TSHZ2: variants seen among roughly 807,000 people sequenced by gnomAD.
TSHZ2 encodes the protein teashirt homolog 2.
A neutral mutation model predicts 74.4 loss-of-function variants in TSHZ2; 21 were observed. The ratio of observed to expected loss-of-function variants is 0.28; its 90% CI spans 0.20 to 0.41. The LOEUF (loss-of-function observed/expected upper bound fraction) is 0.41. TSHZ2 is among the 10% of genes least tolerant of loss of function. The pLI is 1.00. For missense variants in TSHZ2, 1,244 were observed against 1,293.5 expected, an observed-to-expected ratio of 0.96 and a Z score of 0.59; for synonymous variants, 540 against 515.3, an observed-to-expected ratio of 1.05 and a Z score of -0.65.
chr20:53,455,830 G>A (rs1325065041), intron 2 of TSHZ2, among the ~76,000 whole-genome samples: 4 of 151,202 alleles, frequency 2.6e-5, no homozygotes, highest in Non-Finnish European at 4.4e-5. Flanking sequence ...TTGTTCTTGC[G>A]ATAGTTTACT....
intron 2 of TSHZ2, among the ~76,000 whole-genome samples, chr20:53,380,139 A>AGT (rs3222593): frequency 0.5 from 74,834 of 149,404 alleles, 21,271 homozygotes; most frequent in Non-Finnish European, 0.66. Context: ...ATGGTTGGAG[A>AGT]GTGTGTGTGT....
In TSHZ2 at chr20:53,084,837, G is replaced by A. The variant is rs556924261; in HGVS notation, c.40+111504G>A. ...GCCTTTCACCAAGACAAAAACCAAG[G>A]CTTGAACTAACATTTAGCTTTTCTG... On this transcript the variant is annotated intron_variant, in intron 1 of 2. Transcript: ENST00000371497. Among the ~76,000 whole-genome samples, 15 of 151,796 alleles carry A rather than the reference G, an allele frequency of 9.9e-5. No individual in the cohort carries two copies. In the East Asian group the frequency reaches 2.7e-3, roughly 27 times the overall value.
intron 1 of TSHZ2, among the ~76,000 whole-genome samples, chr20:53,182,410 T>C (rs1158274572): frequency 6.6e-6 from 1 of 152,238 alleles, no homozygotes; most frequent in Non-Finnish European, 1.5e-5. Context: ...CAAAGTACTC[T>C]GATCCATGCA....
intron 1 of TSHZ2, among the ~76,000 whole-genome samples, chr20:52,990,992 T>C (rs1380262271): frequency 6.6e-6 from 1 of 152,212 alleles, no homozygotes; most frequent in East Asian, 1.9e-4. Flanking sequence ...AGGTCTCTTT[T>C]ATTGTGTGCG....
At chr20:53,343,858 A>T (rs1420375728) in intron 2 of TSHZ2, among the ~76,000 whole-genome samples, 1 of 152,170 alleles carries the variant, frequency 6.6e-6, no homozygotes, top group Non-Finnish European at 1.5e-5. Flanking sequence ...AGAAAATGAG[A>T]CACTTAGGAG....
chr20:53,019,509 C>T (rs1305121697), intron 1 of TSHZ2, among the ~76,000 whole-genome samples: 1 of 152,052 alleles, frequency 6.6e-6, no homozygotes, highest in East Asian at 1.9e-4. Flanking sequence ...GGAGTGGTAT[C>T]AGGGGGTTGG....
chr20:53,483,492 C>T (rs1986214154), intron 2 of TSHZ2, among the ~76,000 whole-genome samples: 1 of 152,092 alleles, frequency 6.6e-6, no homozygotes, highest in African/African-American at 2.4e-5. Flanking sequence ...GCGTGGGTGA[C>T]AGAACAAAAC....
intron 2 of TSHZ2, among the ~76,000 whole-genome samples, chr20:53,333,452 A>T (rs1979808874): frequency 6.6e-6 from 1 of 150,598 alleles, no homozygotes; most frequent in South Asian, 2.1e-4. Flanking sequence ...TCTGCCAAGC[A>T]TGGTTTCTTT....
intron 1 of TSHZ2, among the ~76,000 whole-genome samples, chr20:53,048,373 C>T (rs1404527439): frequency 6.6e-6 from 1 of 152,148 alleles, no homozygotes; most frequent in Non-Finnish European, 1.5e-5. Flanking sequence ...TTCAAAATCA[C>T]GAATAATTGT....
chr20:53,156,097 C>T (rs567305219), intron 1 of TSHZ2, among the ~76,000 whole-genome samples: 162 of 152,260 alleles, frequency 1.1e-3, no homozygotes, highest in African/African-American at 3.7e-3. Context: ...TTGCCACAGT[C>T]CTCACCATTC....
At chr20:53,178,607 G>A (rs1988399555) in intron 1 of TSHZ2, 1 of 152,144 alleles carries the variant, frequency 6.6e-6, no homozygotes, top group Non-Finnish European at 1.5e-5. Flanking sequence ...ATTTCATGTG[G>A]AAATTAAAAT....
In TSHZ2 at chr20:53,409,695, T is replaced by C. The variant is rs1156585758; in HGVS notation, c.*9-77449T>C. On this transcript the variant is annotated intron_variant, in intron 2 of 2. Transcript: ENST00000371497. The stretch of plus-strand genomic sequence containing the variant: ...TGAGATGAACGCTTTGCTTTTGGAG[T>C]CGAGAATGGAAGTCCATTGTTGATT... 2.0e-5 allele frequency among the ~76,000 whole-genome samples: 3 copies of C among 152,104 alleles called. No individual in the cohort carries two copies. The East Asian group carries it at 5.8e-4, about 29-fold the overall frequency.
At chr20:53,388,823 T>A (rs373512657) in intron 2 of TSHZ2, among the ~76,000 whole-genome samples, 15 of 152,168 alleles carry the variant, frequency 9.9e-5, no homozygotes, top group African/African-American at 3.6e-4. Flanking sequence ...CCTCAAGTGA[T>A]CTGCCCGCCT....
In TSHZ2 at chr20:53,056,268, G is replaced by A. The variant is rs1013974086; in HGVS notation, c.40+82935G>A. 3.3e-5 allele frequency among the ~76,000 whole-genome samples: 5 copies of A among 152,116 alleles called. No individual in the cohort carries two copies. In the East Asian group the frequency reaches 9.6e-4, roughly 29 times the overall value. ...TCCTGCTGCTTTTCAGTACTACAGGGAATATCAGGCCAAGTTTTTTATTGT... is the reference window on the plus strand; with the variant it reads ...TCCTGCTGCTTTTCAGTACTACAGGAAATATCAGGCCAAGTTTTTTATTGT... On this transcript the variant is annotated intron_variant, in intron 1 of 2. Transcript: ENST00000371497.
chr20:53,452,965 G>T (rs1294665985), intron 2 of TSHZ2: 1 of 152,200 alleles, frequency 6.6e-6, no homozygotes, highest in African/African-American at 2.4e-5. Flanking sequence ...CTGGTAGCAT[G>T]CAGGTTGAGT....
intron 1 of TSHZ2, among the ~76,000 whole-genome samples, chr20:53,183,906 G>C (rs1243358211): frequency 6.6e-6 from 1 of 152,180 alleles, no homozygotes; most frequent in Non-Finnish European, 1.5e-5. Flanking sequence ...GGATGCTTTT[G>C]GGATGTGGGT....
At chr20:53,396,729 C>G (rs917117778) in intron 2 of TSHZ2, among the ~76,000 whole-genome samples, 1 of 151,996 alleles carries the variant, frequency 6.6e-6, no homozygotes, top group East Asian at 1.9e-4. Flanking sequence ...TGCCTGTAGT[C>G]CCAGCTACTC....
Position 53,253,720 on chromosome 20 carries a change from G to T in TSHZ2, c.262G>T (p.Ala88Ser). 1.2e-6 allele frequency: 2 copies of T among 1,614,140 alleles called. No individual in the cohort carries two copies. Among genetic ancestry groups the T allele is most frequent in the South Asian group, 2.2e-5 (2 of 91,068 alleles). ...DAENESLLSD[A>S]SDQVSDIKSV... The stretch of plus-strand genomic sequence containing the variant: ...CGAGAACGAGTCTCTGCTGAGTGAC[G>T]CCAGTGATCAGGTGTCGGACATCAA... The change falls in exon 2 of 3, where the codon GCC becomes TCC. Residue 88 changes from alanine to serine, a missense_variant. Coordinates refer to ENST00000371497, the MANE Select transcript of TSHZ2 (RefSeq NM_173485.6).
chr20:53,278,311 T>G (rs888263355), intron 2 of TSHZ2, among the ~76,000 whole-genome samples: 2 of 152,254 alleles, frequency 1.3e-5, no homozygotes, highest in Non-Finnish European at 2.9e-5. Context: ...AGCCTTACTC[T>G]TCTCATGATG....
Sources: allele counts gnomAD v4.1 joint callset (sites outside exome capture counted in the v4.1 genomes callset), GRCh38; gene constraint gnomAD v4.1.1; transcripts MANE v1.5; gene names NCBI Gene and HGNC (gene_info 2026-07-23, HGNC 2026-07-21).